PIK3C2A: variants seen among roughly 807,000 people sequenced by gnomAD.
PIK3C2A encodes phosphatidylinositol 4-phosphate 3-kinase C2 domain-containing subunit alpha.
Under a neutral mutation model 204.5 loss-of-function variants are expected in PIK3C2A, and 97 were observed. The ratio of observed to expected loss-of-function variants is 0.47; its 90% confidence interval spans 0.40 to 0.56. The LOEUF is 0.56. Among genes scored for constraint, PIK3C2A ranks in the 20% least tolerant of loss-of-function variants. The probability of loss-of-function intolerance (pLI) is 0.00; values close to 1 mark genes in which losing one functional copy is unlikely to be tolerated. For synonymous variants in PIK3C2A, 653 were observed against 664.4 expected, an observed-to-expected ratio of 0.98 and a Z score of 0.26; for missense variants, 1,735 against 1,969.2, an observed-to-expected ratio of 0.88 and a Z score of 2.25.
At chr11:17,108,053 G>A (rs1383949531) in intron 22 of PIK3C2A, among the ~76,000 whole-genome samples, 1 of 152,140 alleles carries the variant, frequency 6.6e-6, no homozygotes, top group Non-Finnish European at 1.5e-5. Flanking sequence ...TGTATTTTTA[G>A]TAGAGGTGGG....
chr11:17,151,150 G>A (rs1850413916), intron 3 of PIK3C2A, among the ~76,000 whole-genome samples: 1 of 152,146 alleles, frequency 6.6e-6, no homozygotes, highest in Non-Finnish European at 1.5e-5. Context: ...ATAGACAATG[G>A]TTTTTTACAG....
intron 19 of PIK3C2A, 69 bp from the exon 20 acceptor site, chr11:17,114,534 C>T: frequency 4.1e-6 from 3 of 724,708 alleles, no homozygotes; most frequent in Non-Finnish European, 7.3e-6. Context: ...ACAAGTTATG[C>T]TGTGGATACA....
At chr11:17,099,202 C>T (rs1472005753) in intron 26 of PIK3C2A, among the ~76,000 whole-genome samples, 1 of 152,160 alleles carries the variant, frequency 6.6e-6, no homozygotes, top group Admixed American at 6.6e-5. Flanking sequence ...GCTGGAAGAT[C>T]TGTTTTTAAA....
intron 8 of PIK3C2A, among the ~76,000 whole-genome samples, chr11:17,137,475 T>C (rs1849912750): frequency 7.1e-6 from 1 of 139,936 alleles, no homozygotes; most frequent in South Asian, 2.2e-4. Context: ...AGTGCAGTGG[T>C]GGGATCTTGG....
In PIK3C2A at chr11:17,169,774, A is replaced by G. The variant is rs1851099884; in HGVS notation, c.-33T>C. ...AAAAAGACCAAACCTTCCTTCCTCT[A>G]TTTTTTTCTTGTAGCTTCCAAAATA... On this transcript the variant is annotated 5_prime_UTR_variant, in exon 2 of 33. Coordinates refer to ENST00000691414, the MANE Select transcript of PIK3C2A (RefSeq NM_002645.4). 2.0e-6 allele frequency: 3 copies of G among 1,479,926 alleles called. No individual in the cohort carries two copies. Among genetic ancestry groups the G allele is most frequent in the Admixed American group, 2.2e-5 (1 of 45,876 alleles). 91.7% of individuals were successfully genotyped at this position (1,479,926 alleles called of 1,614,324 possible).
chr11:17,146,822 A>G (rs897833791), intron 6 of PIK3C2A, among the ~76,000 whole-genome samples: 28 of 152,166 alleles, frequency 1.8e-4, no homozygotes, highest in African/African-American at 6.8e-4. Flanking sequence ...TCTTTACCCA[A>G]TTGAAATGAA....
At chr11:17,131,566 C>T (rs576997074) in intron 12 of PIK3C2A, among the ~76,000 whole-genome samples, 18 of 151,724 alleles carry the variant, frequency 1.2e-4, no homozygotes, top group Non-Finnish European at 2.2e-4. Context: ...GGACCACAGG[C>T]GCCCGCCACC....
At chr11:17,185,988 C>CTT (rs2137538045) in intron 1 of PIK3C2A, among the ~76,000 whole-genome samples, 1 of 152,308 alleles carries the variant, frequency 6.6e-6, no homozygotes, top group South Asian at 2.1e-4. Context: ...AAGGTACAAT[C>CTT]TTTACAATGG....
chr11:17,126,124 AAAAAACAAAAAC>A (rs1478156335), intron 13 of PIK3C2A, among the ~76,000 whole-genome samples: 1 of 152,162 alleles, frequency 6.6e-6, no homozygotes, highest in African/African-American at 2.4e-5. Context: ...ACTCTGTCTC[AAAAAACAAAAAC>A]AAAAACAAAA....
At chr11:17,128,245 T>TA (rs397800488) in intron 13 of PIK3C2A, among the ~76,000 whole-genome samples, 4 of 151,022 alleles carry the variant, frequency 2.6e-5, no homozygotes, top group Non-Finnish European at 3.0e-5. Flanking sequence ...TTTTTTTTTT[T>TA]AATTTTTCTT....
At position 17,122,201 on chromosome 11, in the gene PIK3C2A, C is replaced by T; in HGVS notation, c.2644G>A (p.Asp882Asn). 1 of 1,585,700 alleles carries T rather than the reference C, an allele frequency of 6.3e-7. No individual in the cohort carries two copies. Residue 882 changes from aspartate (D) to asparagine (N), a missense_variant, in exon 15 of 33, where the codon GAC (aspartate) becomes AAC (asparagine). Transcript: ENST00000691414. Reference sequence around the variant, plus strand: ...AACAGAACATACCCAAGTGATGAGTCTTTATGAAGAATATCAAGAAGTTTC... The same window carrying T: ...AACAGAACATACCCAAGTGATGAGTTTTTATGAAGAATATCAAGAAGTTTC... ...KGKLLDILHK[D>N]SSLGLSKEDK...
chr11:17,119,525 A>G (rs889409531), intron 16 of PIK3C2A, among the ~76,000 whole-genome samples: 1 of 152,232 alleles, frequency 6.6e-6, no homozygotes, highest in Non-Finnish European at 1.5e-5. Flanking sequence ...TAAGTTTATG[A>G]AAATTAATTC....
chr11:17,142,231 G>A (rs61879713), intron 8 of PIK3C2A, among the ~76,000 whole-genome samples: 2 of 152,154 alleles, frequency 1.3e-5, no homozygotes, highest in Non-Finnish European at 2.9e-5. Context: ...ATTTGAGTCT[G>A]GAGATGTGGA....
Position 17,092,073 on chromosome 11 carries a change from G to C in PIK3C2A, c.4570-5C>G, listed in dbSNP as rs765955017. On this transcript the variant is annotated splice_region_variant and splice_polypyrimidine_tract_variant and intron_variant, in intron 29 of 32. Coordinates refer to ENST00000691414, the MANE Select transcript of PIK3C2A (RefSeq NM_002645.4). ...GAAAGTACAAACAAGATCACACTAA[G>C]AATAAAGAGAAAGCAATTCATTAGT... 3.1e-6 allele frequency: 5 copies of C among 1,595,808 alleles called. No individual in the cohort carries two copies. Among genetic ancestry groups the C allele is most frequent in the Middle Eastern group, 1.7e-4 (1 of 6,004 alleles).
At chr11:17,162,437 AC>A (rs1850807920) in intron 2 of PIK3C2A, among the ~76,000 whole-genome samples, 1 of 152,144 alleles carries the variant, frequency 6.6e-6, no homozygotes, top group Non-Finnish European at 1.5e-5. Context: ...AATTGTGTTT[AC>A]AACTGTTAAA....
At chr11:17,151,447 C>T (rs890979396) in intron 3 of PIK3C2A, among the ~76,000 whole-genome samples, 1 of 152,078 alleles carries the variant, frequency 6.6e-6, no homozygotes, top group Non-Finnish European at 1.5e-5. Flanking sequence ...TGTATACTTG[C>T]TTCTGTAGAG....
intron 1 of PIK3C2A, among the ~76,000 whole-genome samples, chr11:17,184,309 T>C (rs1333883471): frequency 6.6e-6 from 1 of 151,984 alleles, no homozygotes; most frequent in African/African-American, 2.4e-5. Flanking sequence ...TCCTAGGAGA[T>C]GACAGCTCCA....
intron 23 of PIK3C2A, among the ~76,000 whole-genome samples, chr11:17,104,375 A>G (rs953481579): frequency 1.9e-4 from 29 of 152,224 alleles, no homozygotes; most frequent in African/African-American, 7.0e-4. Context: ...ATATGCTATA[A>G]TACCATAATA....
At chr11:17,137,501 T>C (rs1246456168) in intron 8 of PIK3C2A, among the ~76,000 whole-genome samples, 2 of 149,738 alleles carry the variant, frequency 1.3e-5, no homozygotes, top group East Asian at 2.0e-4. Context: ...TGCAACCTCC[T>C]GGGTTCAAGT....
Sources: allele counts gnomAD v4.1 joint callset (sites outside exome capture counted in the v4.1 genomes callset), GRCh38; gene constraint gnomAD v4.1.1; transcripts MANE v1.5; gene names NCBI Gene and HGNC (gene_info 2026-07-23, HGNC 2026-07-21).